Variants in STX7 observed in about 807,000 individuals in gnomAD.
STX7 encodes syntaxin-7.
In STX7, 34 loss-of-function variants were observed where a neutral mutation model predicts 39.6. That is an observed-to-expected ratio of 0.86 (90% CI 0.65 to 1.14). STX7 has a LOEUF of 1.14. STX7 is among the 50% of genes most tolerant of loss of function. STX7 has a pLI of 0.00. For synonymous variants in STX7, 119 were observed against 99.1 expected, an observed-to-expected ratio of 1.20 and a Z score of -1.19; for missense variants, 284 against 310.4, an observed-to-expected ratio of 0.92 and a Z score of 0.64.
chr6:132,448,189 T>C lies in STX7; in HGVS notation c.*12569A>G, dbSNP rs568100966. 11 of 152,342 alleles carry C rather than the reference T, an allele frequency of 7.2e-5. No individual in the cohort carries two copies. The South Asian group carries it at 2.3e-3, about 32-fold the overall frequency. The allele number at this position is 152,342 out of a possible 1,614,324, so 9.4% of individuals were successfully genotyped here. On this transcript the variant is annotated 3_prime_UTR_variant, in exon 10 of 10. Coordinates refer to ENST00000367941, the MANE Select transcript of STX7 (RefSeq NM_003569.3). ...TTCCCCACATATACATTTCCTGAGT[T>C]ATGTAAAATGTTGCTAGTATTTTAA...
chr6:132,471,687 A>G, intron 4 of STX7, 87 bp from the exon 5 acceptor site: 1 of 1,488,502 alleles, frequency 6.7e-7, no homozygotes, highest in South Asian at 1.3e-5. Flanking sequence ...TTTAACCCTG[A>G]AGTTTTCACT....
At position 132,460,619 on chromosome 6, in the gene STX7, A is replaced by AC. The variant is rs1398024793; in HGVS notation, c.*138dup. On this transcript the variant is annotated 3_prime_UTR_variant, in exon 10 of 10. Transcript: ENST00000367941. ...GATTTAATCCAAAGGAACCACCCCA[A>AC]CCCCCCCAATAAAAATAACAAAGTA... 1.9e-5 allele frequency: 11 copies of AC among 581,452 alleles called. No homozygotes were observed. Among genetic ancestry groups the AC allele is most frequent in the African/African-American group, 3.8e-5 (2 of 52,168 alleles). 36.0% of individuals were successfully genotyped at this position (581,452 alleles called of 1,614,324 possible). A position where few individuals can be genotyped will look rare whatever the true frequency, so the allele number is the denominator to read the frequency against.
Position 132,469,884 on chromosome 6 carries a change from C to G in STX7, c.537+67G>C, listed in dbSNP as rs545072725. 6.1e-5 allele frequency: 81 copies of G among 1,326,452 alleles called. 3 individuals carry two copies. In the South Asian group the frequency reaches 1.1e-3, roughly 18 times the overall value. 82.2% of individuals were successfully genotyped at this position (1,326,452 alleles called of 1,614,324 possible). On this transcript the variant is annotated intron_variant, in intron 7 of 9. Transcript: ENST00000367941. ...GTCTCATGCATTCTCCCAGCATTAC[C>G]TAAGCATCTTGAGAACAAACTCACT...
At chr6:132,484,097 T>C (rs2114418753) in intron 2 of STX7, among the ~76,000 whole-genome samples, 1 of 152,364 alleles carries the variant, frequency 6.6e-6, no homozygotes, top group South Asian at 2.1e-4. Context: ...TAAATCAACA[T>C]GTGTCTCTAC....
intron 9 of STX7, among the ~76,000 whole-genome samples, chr6:132,462,976 C>G (rs1182945024): frequency 6.6e-6 from 1 of 152,118 alleles, no homozygotes; most frequent in Non-Finnish European, 1.5e-5. Flanking sequence ...AATCTCAGCA[C>G]TTTGGGAGAC....
chr6:132,461,897 T>C (rs1482750123), intron 9 of STX7: 1 of 1,510,392 alleles, frequency 6.6e-7, no homozygotes, highest in African/African-American at 1.4e-5. Flanking sequence ...TTACTTTGTG[T>C]CAAGTAGAAG....
intron 9 of STX7, among the ~76,000 whole-genome samples, chr6:132,462,582 G>GGGGTGTGTGT (rs1211715935): frequency 2.1e-5 from 3 of 144,896 alleles, no homozygotes; most frequent in African/African-American, 7.8e-5. Flanking sequence ...CATTTGCAGG[G>GGGGTGTGTGT]GTGTGTGTGT....
At chr6:132,484,587 C>A (rs559225685) in intron 2 of STX7, among the ~76,000 whole-genome samples, 1 of 152,122 alleles carries the variant, frequency 6.6e-6, no homozygotes, top group Admixed American at 6.5e-5. Flanking sequence ...GAATAGCTAT[C>A]TTCTCTTTTA....
rs1774026610 is a variant in STX7, at chr6:132,447,002, A to T, written c.*13756T>A. ...GGTACCATAGACACTGGGTTGGACA[A>T]GCAAGAAATAGTGACGATGTGACTT... On this transcript the variant is annotated 3_prime_UTR_variant, in exon 10 of 10. Coordinates refer to ENST00000367941, the MANE Select transcript of STX7 (RefSeq NM_003569.3). The T allele has an allele frequency of 6.6e-6, 1 of 152,228 alleles. No individual in the cohort carries two copies. Among genetic ancestry groups the T allele is most frequent in the Non-Finnish European group, 1.5e-5 (1 of 68,036 alleles). The allele number at this position is 152,228 out of a possible 1,614,324, so 9.4% of individuals were successfully genotyped here.
rs1212456614 is a variant in STX7 at position 132,457,456 on chromosome 6, T to C, written c.*3302A>G. On this transcript the variant is annotated 3_prime_UTR_variant, in exon 10 of 10. Transcript: ENST00000367941. ...CTAAATACTCAGAAAAAAATGGTTT[T>C]ATCTTAATTGATTTATAAATTATGT... is the stretch of plus-strand genomic sequence containing the variant. The C allele has an allele frequency of 6.6e-6, 1 of 152,232 alleles. No individual in the cohort carries two copies. Among genetic ancestry groups the C allele is most frequent in the Non-Finnish European group, 1.5e-5 (1 of 68,034 alleles). 9.4% of individuals were successfully genotyped at this position (152,232 alleles called of 1,614,324 possible). A position where few individuals can be genotyped will look rare whatever the true frequency, so the allele number is the denominator to read the frequency against.
intron 1 of STX7, among the ~76,000 whole-genome samples, chr6:132,505,765 C>CAAAAAAAA: frequency 2.0e-5 from 1 of 49,054 alleles, no homozygotes; most frequent in Admixed American, 1.8e-4. Flanking sequence ...AAAAAAAAAA[C>CAAAAAAAA]ACAGGTTTTG....
intron 2 of STX7, among the ~76,000 whole-genome samples, chr6:132,477,521 C>T (rs1462249847): frequency 2.0e-5 from 3 of 152,056 alleles, no homozygotes; most frequent in African/African-American, 7.2e-5. Context: ...TAGCAAAATA[C>T]ATTTTTAATA....
At position 132,454,189 on chromosome 6, in the gene STX7, T is replaced by C. The variant is rs1241965214; in HGVS notation, c.*6569A>G. 1 of 151,450 alleles carries C rather than the reference T, an allele frequency of 6.6e-6. No homozygotes were observed. The highest frequency in any genetic ancestry group is 1.5e-5 in the Non-Finnish European group (1 of 67,890). 9.4% of individuals were successfully genotyped at this position (151,450 alleles called of 1,614,324 possible). The stretch of plus-strand genomic sequence containing the variant: ...AAAGCCAATCCCAAAAGGTTACATA[T>C]TATTATGATTCCAGTTATACAGCTT... On this transcript the variant is annotated 3_prime_UTR_variant, in exon 10 of 10. Transcript: ENST00000367941.
chr6:132,468,001 T>C (rs750495956), intron 8 of STX7, among the ~76,000 whole-genome samples: 2 of 152,216 alleles, frequency 1.3e-5, no homozygotes, highest in Non-Finnish European at 2.9e-5. Context: ...CCCTAATACC[T>C]AAAAGACAAG....
intron 9 of STX7, chr6:132,461,738 A>C: frequency 8.1e-7 from 1 of 1,238,960 alleles, no homozygotes. Context: ...GAGCAAACAA[A>C]ATCATAATGC....
At chr6:132,484,139 A>C (rs1775074335) in intron 2 of STX7, among the ~76,000 whole-genome samples, 1 of 152,246 alleles carries the variant, frequency 6.6e-6, no homozygotes, top group Non-Finnish European at 1.5e-5. Context: ...TTTTTGCATT[A>C]TCTACAATTT....
At chr6:132,486,110 A>G (rs1775126326) in intron 2 of STX7, among the ~76,000 whole-genome samples, 1 of 152,202 alleles carries the variant, frequency 6.6e-6, no homozygotes, top group Non-Finnish European at 1.5e-5. Context: ...TTTAAATTGT[A>G]GATTCCATCA....
chr6:132,504,432 C>G (rs1209959709), intron 1 of STX7, among the ~76,000 whole-genome samples: 5 of 152,184 alleles, frequency 3.3e-5, no homozygotes, highest in African/African-American at 1.2e-4. Context: ...TCAATCCACA[C>G]CACTCCAATC....
At chr6:132,492,598 C>T (rs932234471) in intron 2 of STX7, among the ~76,000 whole-genome samples, 1 of 152,062 alleles carries the variant, frequency 6.6e-6, no homozygotes, top group African/African-American at 2.4e-5. Context: ...CAGCATGATC[C>T]AAATACACCA....
Sources: gnomAD v4.1 joint callset for allele counts (sites outside exome capture counted in the v4.1 genomes callset) on GRCh38, gnomAD v4.1.1 for gene constraint, MANE v1.5 for transcripts, NCBI Gene and HGNC (gene_info 2026-07-23, HGNC 2026-07-21) for gene names.